GNG7: variants seen among roughly 807,000 people sequenced by gnomAD.
GNG7 encodes the protein G protein subunit gamma 7, also known as guanine nucleotide-binding protein G(I)/G(S)/G(O) subunit gamma-7.
A neutral mutation model predicts 4.0 loss-of-function variants in GNG7; 1 was observed. That is an observed-to-expected ratio of 0.25 (90% confidence interval 0.09 to 1.18). The LOEUF (loss-of-function observed/expected upper bound fraction) is 1.18, where lower values mean the gene tolerates loss of function less well. Ranked by LOEUF, GNG7 falls within the 50% of genes most tolerant of loss-of-function variation. The pLI is 0.50. For missense variants in GNG7, 86 were observed against 91.9 expected (o/e 0.94, Z 0.26); for synonymous variants, 34 against 36.9 (o/e 0.92, Z 0.29).
chr19:2,641,812 C>G (rs775750588), intron 2 of GNG7: 4 of 143,990 alleles, frequency 2.8e-5, no homozygotes, highest in Non-Finnish European at 4.6e-5. Context: ...CAGATGCACA[C>G]CACCACACCT....
chr19:2,690,448 C>T (rs1230410221), intron 1 of GNG7, among the ~76,000 whole-genome samples: 1 of 152,088 alleles, frequency 6.6e-6, no homozygotes, highest in Non-Finnish European at 1.5e-5. Context: ...TATATAAAAC[C>T]AGGCTGTGGG....
intron 2 of GNG7, among the ~76,000 whole-genome samples, chr19:2,568,493 C>A (rs544707929): frequency 3.1e-4 from 47 of 151,616 alleles, no homozygotes; most frequent in Admixed American, 3.1e-3. Flanking sequence ...GACTTACGCA[C>A]ATACACAGGG....
chr19:2,563,911 C>T (rs1979822324), intron 2 of GNG7, among the ~76,000 whole-genome samples: 1 of 149,242 alleles, frequency 6.7e-6, no homozygotes. Flanking sequence ...GAAGCTCATA[C>T]ATAAACAACA....
intron 2 of GNG7, among the ~76,000 whole-genome samples, chr19:2,562,837 G>A (rs537457701): frequency 7.2e-5 from 11 of 152,330 alleles, no homozygotes; most frequent in African/African-American, 2.6e-4. Context: ...AGGGAGAGAG[G>A]ATGTGAGTCC....
intron 1 of GNG7, among the ~76,000 whole-genome samples, chr19:2,680,147 T>C (rs1022447535): frequency 1.4e-4 from 20 of 145,052 alleles, no homozygotes; most frequent in African/African-American, 5.2e-4. Flanking sequence ...CTTGTCTCTT[T>C]TTTTTTTTTT....
chr19:2,570,594 A>G (rs1442124114), intron 2 of GNG7, among the ~76,000 whole-genome samples: 1 of 152,062 alleles, frequency 6.6e-6, no homozygotes, highest in African/African-American at 2.4e-5. Flanking sequence ...CTAAATCCCT[A>G]AGGACGCAGC....
Position 2,513,361 on chromosome 19 carries a change from G to T in GNG7, c.*1661C>A. 2.4e-6 allele frequency: 1 copy of T among 409,672 alleles called. No homozygotes were observed. The highest frequency in any genetic ancestry group is 3.3e-6 in the Non-Finnish European group (1 of 303,718). The allele number at this position is 409,672 out of a possible 1,614,324, so 25.4% of individuals were successfully genotyped here. Reference sequence around the variant, plus strand: ...CTACTTGCTTCTAGGCCAGCCCCGTGGAGGGGGTCGGGGCGGCCAGGCCTC... The same window carrying T: ...CTACTTGCTTCTAGGCCAGCCCCGTTGAGGGGGTCGGGGCGGCCAGGCCTC... On this transcript the variant is annotated 3_prime_UTR_variant, in exon 5 of 5. Transcript: ENST00000382159.
intron 1 of GNG7, among the ~76,000 whole-genome samples, chr19:2,668,533 G>A (rs1983369141): frequency 6.6e-6 from 1 of 152,168 alleles, no homozygotes; most frequent in Non-Finnish European, 1.5e-5. Flanking sequence ...AGGGGCTGCT[G>A]GAGGGAGCCC....
At chr19:2,570,170 C>G (rs55808007) in intron 2 of GNG7, among the ~76,000 whole-genome samples, 2 of 151,968 alleles carry the variant, frequency 1.3e-5, no homozygotes, top group Non-Finnish European at 2.9e-5. Flanking sequence ...TCCTTTCTCT[C>G]GCTCCCTCTC....
intron 2 of GNG7, among the ~76,000 whole-genome samples, chr19:2,638,753 G>C (rs865846708): frequency 2.6e-5 from 4 of 152,046 alleles, no homozygotes; most frequent in Non-Finnish European, 5.9e-5. Flanking sequence ...GGGAGGGGAG[G>C]GGAGGGGAGG....
intron 3 of GNG7, chr19:2,538,813 G>A (rs967387529): frequency 2.7e-6 from 1 of 363,854 alleles, no homozygotes; most frequent in African/African-American, 2.2e-5. Context: ...CTGTCTCCCA[G>A]GCTGGAGTGC....
At chr19:2,586,657 G>A (rs977104588) in intron 2 of GNG7, among the ~76,000 whole-genome samples, 1 of 152,152 alleles carries the variant, frequency 6.6e-6, no homozygotes, top group African/African-American at 2.4e-5. Context: ...CCCTCAATGG[G>A]AACTCACAGT....
In GNG7 at chr19:2,513,120, TCCC is replaced by T; in HGVS notation, c.*1899_*1901del. ...CCCGAGGTTGAGGAGTGGAGGTCAC[TCCC>T]CCGACACCTGCACACACACCCGGAG... On this transcript the variant is annotated 3_prime_UTR_variant, in exon 5 of 5. Transcript: ENST00000382159. 1 of 985,266 alleles carries T rather than the reference TCCC, an allele frequency of 1.0e-6. No individual in the cohort carries two copies. Among genetic ancestry groups the T allele is most frequent in the Non-Finnish European group, 1.2e-6 (1 of 829,962 alleles). 61.0% of individuals were successfully genotyped at this position (985,266 alleles called of 1,614,324 possible).
chr19:2,692,139 C>T (rs919312799), intron 1 of GNG7, among the ~76,000 whole-genome samples: 2 of 152,192 alleles, frequency 1.3e-5, no homozygotes, highest in Non-Finnish European at 2.9e-5. Context: ...TTCATGACGG[C>T]GGCAGCCCCA....
At chr19:2,571,524 C>T (rs993074601) in intron 2 of GNG7, among the ~76,000 whole-genome samples, 6 of 151,158 alleles carry the variant, frequency 4.0e-5, no homozygotes, top group African/African-American at 1.5e-4. Context: ...TTGGAGGGTG[C>T]CTGCAGGCTA....
chr19:2,658,647 T>C (rs150699119), intron 1 of GNG7, among the ~76,000 whole-genome samples: 6 of 152,316 alleles, frequency 3.9e-5, no homozygotes, highest in Non-Finnish European at 8.8e-5. Flanking sequence ...TCACGCCCAG[T>C]GAAATGAGCC....
At chr19:2,537,758 C>G (rs12710069) in intron 3 of GNG7, among the ~76,000 whole-genome samples, 1 of 151,144 alleles carries the variant, frequency 6.6e-6, no homozygotes, top group African/African-American at 2.4e-5. Context: ...ACAGTGACTG[C>G]AGGGCTGACA....
chr19:2,604,626 C>A (rs1316483164), intron 2 of GNG7, among the ~76,000 whole-genome samples: 1 of 85,722 alleles, frequency 1.2e-5, no homozygotes, highest in Non-Finnish European at 2.0e-5. Flanking sequence ...GGCAACGGAG[C>A]AAGACCCTCC....
Position 2,657,346 on chromosome 19 carries a change from AAAAAAAAAAAAAAAAATATAT to A in GNG7, c.-134-11087_-134-11067del, listed in dbSNP as rs1426050765. On this transcript the variant is annotated intron_variant, in intron 1 of 4. Transcript: ENST00000382159. The stretch of plus-strand genomic sequence containing the variant: ...AAGACCCCGTCTCAATTAAAAAAAA[AAAAAAAAAAAAAAAAATATAT>A]ATATATATATATATATATATATATA... Among the ~76,000 whole-genome samples the A allele has an allele frequency of 6.5e-4, 13 of 19,960 alleles. 1 individual carries two copies. Among genetic ancestry groups the A allele is most frequent in the South Asian group, 1.6e-3 (1 of 610 alleles). The allele number at this position is 19,960 out of a possible 152,430, so 13.1% of individuals were successfully genotyped here.
Sources: allele counts gnomAD v4.1 joint callset (sites outside exome capture counted in the v4.1 genomes callset), GRCh38; gene constraint gnomAD v4.1.1; transcripts MANE v1.5; gene names NCBI Gene and HGNC (gene_info 2026-07-23, HGNC 2026-07-21).